Variants in WNK2 observed in about 807,000 individuals in gnomAD.
The protein encoded by WNK2 is WNK lysine deficient protein kinase 2, also known as serine/threonine-protein kinase WNK2.
A neutral mutation model predicts 192.1 loss-of-function variants in WNK2; 67 were observed. The observed-to-expected ratio is 0.35, with a 90% confidence interval of 0.29 to 0.43. The LOEUF is 0.43. WNK2 is among the 20% of genes least tolerant of loss of function. The pLI is 1.00. For missense variants in WNK2, 2,698 were observed against 3,089.7 expected (o/e 0.87, Z 3.01); for synonymous variants, 1,439 against 1,393.9 (o/e 1.03, Z -0.72).
At chr9:93,243,708 G>T (rs1441291417) in intron 7 of WNK2, among the ~76,000 whole-genome samples, 1 of 152,186 alleles carries the variant, frequency 6.6e-6, no homozygotes, top group African/African-American at 2.4e-5. Context: ...GCAGGTTGAC[G>T]CTGGGTCCCT....
intron 19 of WNK2, among the ~76,000 whole-genome samples, chr9:93,280,531 A>T (rs1463128744): frequency 6.6e-6 from 1 of 152,212 alleles, no homozygotes; most frequent in Non-Finnish European, 1.5e-5. Flanking sequence ...GTTAAAACAG[A>T]TGCCTATACA....
intron 23 of WNK2, among the ~76,000 whole-genome samples, chr9:93,295,175 G>C (rs1850034401): frequency 6.6e-6 from 1 of 152,196 alleles, no homozygotes; most frequent in Admixed American, 6.5e-5. Flanking sequence ...CACCCCCTGT[G>C]TCGGAGCCAC....
chr9:93,282,619 A>G (rs1358913995), intron 19 of WNK2, among the ~76,000 whole-genome samples: 2 of 152,182 alleles, frequency 1.3e-5, no homozygotes, highest in Non-Finnish European at 2.9e-5. Flanking sequence ...ATGGTGAAAG[A>G]TTCAACTGGC....
At chr9:93,193,097 C>T (rs952642556) in intron 2 of WNK2, among the ~76,000 whole-genome samples, 1 of 152,168 alleles carries the variant, frequency 6.6e-6, no homozygotes, top group Non-Finnish European at 1.5e-5. Flanking sequence ...GGCTGTGCAG[C>T]CGTGATGGGG....
intron 4 of WNK2, among the ~76,000 whole-genome samples, chr9:93,232,535 C>T (rs1244342388): frequency 3.9e-5 from 6 of 152,268 alleles, no homozygotes; most frequent in East Asian, 1.9e-4. Context: ...AAACCCCGGG[C>T]GCAGTCAGGT....
In WNK2 at chr9:93,229,470, G is replaced by A. The variant is rs1304937141; in HGVS notation, c.682-226G>A. ...CGAGACCTCTTCGGCTTCCTAGGATGTCTTTTTGCTGAGGTCCCTTTTTGG... is the reference window on the plus strand; with the variant it reads ...CGAGACCTCTTCGGCTTCCTAGGATATCTTTTTGCTGAGGTCCCTTTTTGG... On this transcript the variant is annotated intron_variant, in intron 2 of 29. Coordinates refer to ENST00000427277, the MANE Select transcript of WNK2 (RefSeq NM_006648.4). The surrounding 1 kb of genome is among the most constrained non-coding windows in gnomAD (Gnocchi z 4.9). 6.6e-6 allele frequency among the ~76,000 whole-genome samples: 1 copy of A among 152,186 alleles called. No homozygotes were observed. Among genetic ancestry groups the A allele is most frequent in the Non-Finnish European group, 1.5e-5 (1 of 68,034 alleles).
intron 2 of WNK2, among the ~76,000 whole-genome samples, chr9:93,203,755 C>T (rs1421548360): frequency 2.0e-5 from 3 of 152,048 alleles, no homozygotes; most frequent in African/African-American, 2.4e-5. Flanking sequence ...AGGAAGGGAC[C>T]GTGGGACAGG....
chr9:93,300,047 G>T lies in WNK2; in HGVS notation c.6116-4G>T. The T allele has an allele frequency of 6.2e-7, 1 of 1,612,436 alleles. No homozygotes were observed. The stretch of plus-strand genomic sequence containing the variant: ...TGTTTTCTTCCCTTTATATTCATTT[G>T]CAGGCTGGACGGTTTACCACCCAAC... On this transcript the variant is annotated splice_region_variant and splice_polypyrimidine_tract_variant and intron_variant, in intron 25 of 29. Coordinates refer to ENST00000427277, the MANE Select transcript of WNK2 (RefSeq NM_006648.4).
At chr9:93,319,941 G>C (rs1237895682) in intron 29 of WNK2, among the ~76,000 whole-genome samples, 1 of 152,230 alleles carries the variant, frequency 6.6e-6, no homozygotes, top group East Asian at 1.9e-4. Flanking sequence ...GAGGGTCCCA[G>C]TGTCTCCTGC....
At chr9:93,208,986 C>T (rs2131458137) in intron 2 of WNK2, among the ~76,000 whole-genome samples, 2 of 152,240 alleles carry the variant, frequency 1.3e-5, no homozygotes, top group South Asian at 4.1e-4. Flanking sequence ...GTGCTTGGTG[C>T]CCTGGCAGAG....
intron 25 of WNK2, 25 bp downstream of exon 25, chr9:93,299,286 G>A (rs375779428): frequency 6.6e-5 from 102 of 1,545,742 alleles, no homozygotes; most frequent in Admixed American, 2.3e-4. Flanking sequence ...GCCTGTCTCC[G>A]AGCATGTGCT....
chr9:93,230,311 C>T (rs571483652), intron 3 of WNK2, among the ~76,000 whole-genome samples: 1 of 152,234 alleles, frequency 6.6e-6, no homozygotes, highest in South Asian at 2.1e-4. Context: ...TCCATCTGAA[C>T]CACTGGACCC....
intron 2 of WNK2, among the ~76,000 whole-genome samples, chr9:93,188,997 C>G (rs1160302236): frequency 1.3e-5 from 2 of 152,220 alleles, no homozygotes; most frequent in Non-Finnish European, 2.9e-5. Flanking sequence ...TGGACCAACA[C>G]TGTTCCATGT....
intron 27 of WNK2, 54 bp downstream of exon 27, chr9:93,306,875 G>C: frequency 6.2e-7 from 1 of 1,612,274 alleles, no homozygotes; most frequent in Non-Finnish European, 8.5e-7. Context: ...GGGCTTTCTC[G>C]TGGCTAGCGC....
chr9:93,273,699 C>G (rs529225241), intron 19 of WNK2, among the ~76,000 whole-genome samples: 1 of 152,204 alleles, frequency 6.6e-6, no homozygotes, highest in Non-Finnish European at 1.5e-5. Context: ...GAACACTCCA[C>G]TCAAAAACAA....
chr9:93,308,638 C>T, intron 28 of WNK2, 54 bp downstream of exon 28: 2 of 1,498,358 alleles, frequency 1.3e-6, no homozygotes, highest in Non-Finnish European at 1.8e-6. Context: ...GCCTTGCCTC[C>T]AGCATTTGCT....
intron 2 of WNK2, among the ~76,000 whole-genome samples, chr9:93,217,579 G>T (rs1835977155): frequency 6.6e-6 from 1 of 152,156 alleles, no homozygotes; most frequent in African/African-American, 2.4e-5. Flanking sequence ...ATGGGATTGG[G>T]GTGCAGATGT....
At position 93,261,665 on chromosome 9, in the gene WNK2, C is replaced by T. The variant is rs529295468; in HGVS notation, c.3067-149C>T. On this transcript the variant is annotated intron_variant, in intron 12 of 29. Coordinates refer to ENST00000427277, the MANE Select transcript of WNK2 (RefSeq NM_006648.4). ...CTGCTCACTCCATCTGCTAAATGTG[C>T]TCTGAGACAGGGACTCCCCTTGGGG... 30 of 848,816 alleles carry T rather than the reference C, an allele frequency of 3.5e-5. No individual in the cohort carries two copies. In the East Asian group the frequency reaches 7.3e-4, roughly 21 times the overall value. The allele number at this position is 848,816 out of a possible 1,614,324, so 52.6% of individuals were successfully genotyped here. A position where few individuals can be genotyped will look rare whatever the true frequency, so the allele number is the denominator to read the frequency against.
chr9:93,314,564 G>A (rs1187583524), intron 28 of WNK2, among the ~76,000 whole-genome samples: 1 of 152,070 alleles, frequency 6.6e-6, no homozygotes, highest in African/African-American at 2.4e-5. Context: ...TATAAGCAAT[G>A]ATGCCAGCCA....
Sources: gnomAD v4.1 joint callset for allele counts (sites outside exome capture counted in the v4.1 genomes callset) on GRCh38, gnomAD v4.1.1 for gene constraint, Gnocchi (gnomAD v3.1) non-coding constraint, MANE v1.5 for transcripts, NCBI Gene and HGNC (gene_info 2026-07-23, HGNC 2026-07-21) for gene names.